OARD1: variants seen among roughly 807,000 people sequenced by gnomAD.
OARD1 encodes O-acyl-ADP-ribose deacylase 1.
A neutral mutation model predicts 19.7 loss-of-function variants in OARD1; 19 were observed. The observed-to-expected ratio is 0.96, with a 90% CI of 0.67 to 1.41. OARD1 has a LOEUF of 1.41. OARD1 is among the 40% of genes most tolerant of loss of function. The pLI is 0.00. For synonymous variants in OARD1, 70 were observed against 61.8 expected (o/e 1.13, Z -0.62); for missense variants, 190 against 183.8 (o/e 1.03, Z -0.20).
chr6:41,076,908 A>C (rs528080188), upstream of OARD1, among the ~76,000 whole-genome samples: 34 of 152,346 alleles, frequency 2.2e-4, no homozygotes, highest in South Asian at 3.9e-3. Context: ...ATACAGGCTA[A>C]ATCACTCTGT....
At chr6:41,078,432 A>G (rs1763800816) in intron 1 of OARD1, among the ~76,000 whole-genome samples, 1 of 152,194 alleles carries the variant, frequency 6.6e-6, no homozygotes, top group Non-Finnish European at 1.5e-5. Flanking sequence ...TTTTGTTTAT[A>G]TATCTGTCCT....
intron 1 of OARD1, among the ~76,000 whole-genome samples, chr6:41,088,185 G>A (rs1199402346): frequency 6.6e-5 from 10 of 152,128 alleles, no homozygotes; most frequent in East Asian, 1.9e-4. Flanking sequence ...TTGGGTGGCC[G>A]AGGCGGGTGG....
chr6:41,069,929 C>G (rs890835229), intron 4 of OARD1, 147 bp downstream of exon 4: 5 of 725,922 alleles, frequency 6.9e-6, no homozygotes, highest in African/African-American at 1.8e-5. Flanking sequence ...CTGGAGTTGT[C>G]ATAAGATAGG....
At chr6:41,091,458 C>T in intron 1 of OARD1, 3 of 1,478,808 alleles carry the variant, frequency 2.0e-6, no homozygotes, top group South Asian at 2.5e-5. Flanking sequence ...AGAAGAGGGA[C>T]TAACTATGTT....
At chr6:41,090,450 T>G in intron 1 of OARD1, 6 of 562,530 alleles carry the variant, frequency 1.1e-5, no homozygotes, top group South Asian at 2.2e-5. Flanking sequence ...CCTCTAGCTC[T>G]CCATTGATTG....
intron 3 of OARD1, chr6:41,070,890 A>T: frequency 1.7e-6 from 1 of 602,102 alleles, no homozygotes; most frequent in Non-Finnish European, 2.9e-6. Flanking sequence ...TTCAAGTTTC[A>T]GAGAAGTACA....
At chr6:41,069,743 G>C (rs1228772603) in intron 4 of OARD1, 1 of 308,086 alleles carries the variant, frequency 3.2e-6, no homozygotes, top group East Asian at 8.8e-5. Flanking sequence ...TCTGTCTCTT[G>C]AGACATTATT....
intron 1 of OARD1, among the ~76,000 whole-genome samples, chr6:41,077,695 A>C (rs1179198172): frequency 6.6e-6 from 1 of 152,186 alleles, no homozygotes; most frequent in Non-Finnish European, 1.5e-5. Flanking sequence ...TGGTGTAAAA[A>C]TCAGAAAACC....
intron 1 of OARD1, among the ~76,000 whole-genome samples, chr6:41,088,586 CTTTG>C (rs902679467): frequency 3.8e-4 from 57 of 151,818 alleles, no homozygotes; most frequent in African/African-American, 1.4e-3. Flanking sequence ...TGGGTTTTTT[CTTTG>C]TTTGTTTTTT....
At chr6:41,074,289 T>C (rs1308029262), upstream of OARD1, among the ~76,000 whole-genome samples, 1 of 152,250 alleles carries the variant, frequency 6.6e-6, no homozygotes, top group East Asian at 1.9e-4. Flanking sequence ...GAGAGGTTGC[T>C]GTTGGCAACC....
intron 5 of OARD1, among the ~76,000 whole-genome samples, chr6:41,068,178 T>TG (rs1763123238): frequency 6.6e-6 from 1 of 152,030 alleles, no homozygotes; most frequent in Non-Finnish European, 1.5e-5. Context: ...TGCAAAGTAA[T>TG]GTGGGGCGCA....
intron 1 of OARD1, chr6:41,097,383 A>G (rs1764390847): frequency 1.2e-6 from 2 of 1,614,042 alleles, no homozygotes; most frequent in South Asian, 1.1e-5. Context: ...ATGAAGAAGC[A>G]ATGACACAGA....
At chr6:41,067,992 A>C (rs185839866) in intron 5 of OARD1, among the ~76,000 whole-genome samples, 1 of 152,192 alleles carries the variant, frequency 6.6e-6, no homozygotes, top group Non-Finnish European at 1.5e-5. Flanking sequence ...CCAAGATGTT[A>C]CTCTAGTGAT....
chr6:41,074,308 A>G (rs186667655), upstream of OARD1, among the ~76,000 whole-genome samples: 6 of 152,354 alleles, frequency 3.9e-5, no homozygotes, highest in East Asian at 1.2e-3. Flanking sequence ...CCAATTATCC[A>G]GCAGTTAGTA....
chr6:41,065,173 C>T lies in OARD1; in HGVS notation c.*2162G>A, dbSNP rs1762958252. ...CACTTACAGCCAATCCTGAATGAGA[C>T]TAGGTTTTGTCTAAAGAATCAAGGC... On this transcript the variant is annotated 3_prime_UTR_variant, in exon 6 of 6. Transcript: ENST00000424266. The T allele has an allele frequency of 6.6e-6, 1 of 152,034 alleles. No homozygotes were observed. Among genetic ancestry groups the T allele is most frequent in the South Asian group, 2.1e-4 (1 of 4,834 alleles). The allele number at this position is 152,034 out of a possible 1,614,324, so 9.4% of individuals were successfully genotyped here.
upstream of OARD1, among the ~76,000 whole-genome samples, chr6:41,074,786 G>GA (rs1202667531): frequency 5.9e-5 from 9 of 152,216 alleles, no homozygotes; most frequent in African/African-American, 1.9e-4. Context: ...TCCTAAGATT[G>GA]AAAAAACGAG....
At chr6:41,074,987 G>C (rs1046526480), upstream of OARD1, among the ~76,000 whole-genome samples, 4 of 151,386 alleles carry the variant, frequency 2.6e-5, no homozygotes, top group Non-Finnish European at 5.9e-5. Flanking sequence ...ACAACTAATA[G>C]GTTTCAGAAA....
chr6:41,070,878 AT>A, intron 3 of OARD1: 1 of 601,108 alleles, frequency 1.7e-6, no homozygotes, highest in Non-Finnish European at 2.9e-6. Context: ...TCTCAGAGTT[AT>A]TTCAAGTTTC....
At chr6:41,069,971 A>G in intron 4 of OARD1, 105 bp downstream of exon 4, 3 of 801,126 alleles carry the variant, frequency 3.7e-6, no homozygotes, top group Non-Finnish European at 6.8e-6. Context: ...TGTCTAGAAT[A>G]GAACATCATG....
Sources: gnomAD v4.1 joint callset for allele counts (sites outside exome capture counted in the v4.1 genomes callset) on GRCh38, gnomAD v4.1.1 for gene constraint, MANE v1.5 for transcripts, NCBI Gene and HGNC (gene_info 2026-07-23, HGNC 2026-07-21) for gene names.